Variants in ENTREP2 observed in about 807,000 individuals in gnomAD.
ENTREP2 encodes protein ENTREP2.
the ENTREP2 span, among the ~76,000 whole-genome samples, chr15:29,538,527 G>T: frequency 1.1e-4 from 16 of 151,754 alleles, no homozygotes; most frequent in Non-Finnish European, 7.4e-5. Flanking sequence ...GGGCGCAGTG[G>T]CTCACGCTTG....
the ENTREP2 span, among the ~76,000 whole-genome samples, chr15:29,642,571 CTA>C: frequency 6.9e-6 from 1 of 144,658 alleles, no homozygotes; most frequent in Non-Finnish European, 1.5e-5. Context: ...ATACTATATA[CTA>C]TATATATACT....
chr15:29,256,000 C>CAAAAAA, the ENTREP2 span, among the ~76,000 whole-genome samples: 2 of 112,466 alleles, frequency 1.8e-5, no homozygotes, highest in Non-Finnish European at 1.8e-5. Flanking sequence ...GAGTCCGTCT[C>CAAAAAA]AAAAAAAAAA....
At chr15:29,293,896 T>C in the ENTREP2 span, among the ~76,000 whole-genome samples, 1 of 152,208 alleles carries the variant, frequency 6.6e-6, no homozygotes, top group Non-Finnish European at 1.5e-5. Flanking sequence ...AGTGCCTTCA[T>C]GCTGTCCTCA....
chr15:29,159,492 C>T, the ENTREP2 span, among the ~76,000 whole-genome samples: 1 of 152,180 alleles, frequency 6.6e-6, no homozygotes, highest in East Asian at 1.9e-4. Context: ...TCTTATCTGG[C>T]CCCACCCACA....
the ENTREP2 span, among the ~76,000 whole-genome samples, chr15:29,465,340 G>A: frequency 6.6e-6 from 1 of 152,114 alleles, no homozygotes; most frequent in African/African-American, 2.4e-5. Context: ...GAAGAGCCAG[G>A]CAAACAGAAT....
At chr15:29,169,782 A>C in the ENTREP2 span, among the ~76,000 whole-genome samples, 3 of 152,162 alleles carry the variant, frequency 2.0e-5, no homozygotes, top group Admixed American at 2.0e-4. Flanking sequence ...CCCTAAACTC[A>C]AGAAACCCTA....
chr15:29,438,660 T>C, the ENTREP2 span, among the ~76,000 whole-genome samples: 1 of 152,168 alleles, frequency 6.6e-6, no homozygotes, highest in African/African-American at 2.4e-5. Context: ...TATGACCTTC[T>C]ATCCCCAGTC....
At chr15:29,667,386 CA>C in the ENTREP2 span, among the ~76,000 whole-genome samples, 4 of 150,682 alleles carry the variant, frequency 2.7e-5, no homozygotes, top group Non-Finnish European at 5.9e-5. Flanking sequence ...GACGGGGTTT[CA>C]CCATGTTAGC....
chr15:29,557,295 A>C, the ENTREP2 span, among the ~76,000 whole-genome samples: 267 of 152,154 alleles, frequency 1.8e-3, 1 homozygote, highest in African/African-American at 6.0e-3. Context: ...AGGTGACCCG[A>C]ACTTTGACTC....
At chr15:29,144,591 A>C in the ENTREP2 span, among the ~76,000 whole-genome samples, 1 of 152,140 alleles carries the variant, frequency 6.6e-6, no homozygotes, top group African/African-American at 2.4e-5. Flanking sequence ...TTAGCTGGGC[A>C]TGGTGACGTG....
the ENTREP2 span, among the ~76,000 whole-genome samples, chr15:29,343,439 A>G: frequency 2.0e-4 from 30 of 152,244 alleles, no homozygotes; most frequent in African/African-American, 7.2e-4. Context: ...CTGAGTTTCC[A>G]GCCTGCAGAA....
the ENTREP2 span, among the ~76,000 whole-genome samples, chr15:29,641,493 A>C: frequency 6.6e-6 from 1 of 152,348 alleles, no homozygotes; most frequent in Admixed American, 6.5e-5. Flanking sequence ...ATATCAAAAA[A>C]TCAGTTGTAT....
chr15:29,121,101 C>T, the ENTREP2 span: 1 of 152,296 alleles, frequency 6.6e-6, no homozygotes, highest in Non-Finnish European at 1.5e-5. Flanking sequence ...GGTACAGTTT[C>T]CGTATCCACA....
the ENTREP2 span, among the ~76,000 whole-genome samples, chr15:29,621,140 A>G: frequency 6.6e-6 from 1 of 152,036 alleles, no homozygotes; most frequent in Non-Finnish European, 1.5e-5. Flanking sequence ...CTGTAATCCC[A>G]GCACTTTGGG....
chr15:29,390,894 T>C, the ENTREP2 span, among the ~76,000 whole-genome samples: 1 of 152,146 alleles, frequency 6.6e-6, no homozygotes, highest in Non-Finnish European at 1.5e-5. Context: ...GCCCAATAGC[T>C]ACAGAGATAT....
chr15:29,359,498 C>T, the ENTREP2 span, among the ~76,000 whole-genome samples: 1 of 152,174 alleles, frequency 6.6e-6, no homozygotes, highest in Admixed American at 6.5e-5. Flanking sequence ...CTGCAAGCTC[C>T]GCCTCCCGGG....
At chr15:29,550,939 A>T in the ENTREP2 span, among the ~76,000 whole-genome samples, 1 of 152,180 alleles carries the variant, frequency 6.6e-6, no homozygotes, top group Non-Finnish European at 1.5e-5. Context: ...GTCACACAGC[A>T]AATATGAGAA....
chr15:29,631,493 T>C, the ENTREP2 span, among the ~76,000 whole-genome samples: 7 of 152,320 alleles, frequency 4.6e-5, no homozygotes, highest in East Asian at 9.7e-4. Context: ...AGTGCTACTG[T>C]AGTCAAGTTT....
chr15:29,188,491 T>C, the ENTREP2 span, among the ~76,000 whole-genome samples: 3 of 152,260 alleles, frequency 2.0e-5, no homozygotes, highest in South Asian at 4.1e-4. Context: ...CTCCCACTTA[T>C]GAGTAAGAAC....
Sources: gnomAD v4.1 joint callset for allele counts (sites outside exome capture counted in the v4.1 genomes callset) on GRCh38, gnomAD v4.1.1 for gene constraint, MANE v1.5 for transcripts, NCBI Gene and HGNC (gene_info 2026-07-23, HGNC 2026-07-21) for gene names.